NADSYN1: variants seen among roughly 807,000 people sequenced by gnomAD.
The protein encoded by NADSYN1 is NAD synthetase 1.
NADSYN1 carries 80 observed loss-of-function variants against 99.3 expected under a neutral mutation model. That is an observed-to-expected ratio of 0.81 (90% CI 0.67 to 0.97). NADSYN1 has a LOEUF of 0.97. NADSYN1 is among the 50% of genes least tolerant of loss of function. The probability of loss-of-function intolerance (pLI) is 0.00; values close to 1 mark genes in which losing one functional copy is unlikely to be tolerated. For synonymous variants in NADSYN1, 385 were observed against 372.1 expected (o/e 1.03, Z -0.40); for missense variants, 859 against 948.5 (o/e 0.91, Z 1.24).
chr11:71,458,792 G>A (rs1368339187), intron 3 of NADSYN1: 17 of 445,396 alleles, frequency 3.8e-5, no homozygotes, highest in Non-Finnish European at 2.1e-5. Flanking sequence ...GCACACATCA[G>A]CAGACTCTGC....
intron 16 of NADSYN1, among the ~76,000 whole-genome samples, chr11:71,488,294 C>T (rs557617145): frequency 2.6e-5 from 4 of 151,178 alleles, no homozygotes; most frequent in East Asian, 1.9e-4. Context: ...AAACGTCCGC[C>T]GAGAGAGCTC....
chr11:71,484,035 T>G (rs1949726143), intron 14 of NADSYN1, among the ~76,000 whole-genome samples: 1 of 152,112 alleles, frequency 6.6e-6, no homozygotes, highest in South Asian at 2.1e-4. Flanking sequence ...TGTCTGTCAC[T>G]CTCTGCATCT....
intron 16 of NADSYN1, among the ~76,000 whole-genome samples, chr11:71,490,246 CAG>C (rs1181008516): frequency 2.0e-5 from 3 of 152,200 alleles, no homozygotes; most frequent in Non-Finnish European, 4.4e-5. Flanking sequence ...CCCCTGCAGT[CAG>C]GGCTCCCTCA....
chr11:71,496,476 C>G (rs1258087083), intron 18 of NADSYN1: 3 of 152,300 alleles, frequency 2.0e-5, no homozygotes, highest in African/African-American at 7.2e-5. Context: ...ATCTGTGCCA[C>G]CGAGGATCTG....
chr11:71,461,293 T>A (rs1475868117), intron 3 of NADSYN1, among the ~76,000 whole-genome samples: 1 of 152,236 alleles, frequency 6.6e-6, no homozygotes, highest in African/African-American at 2.4e-5. Context: ...CGTATTTTAT[T>A]TAAAACATCT....
At chr11:71,469,333 G>A (rs1466451128) in intron 5 of NADSYN1, among the ~76,000 whole-genome samples, 6 of 152,236 alleles carry the variant, frequency 3.9e-5, no homozygotes, top group South Asian at 2.1e-4. Context: ...TCAGCTGGGC[G>A]TTGTGGTGTG....
chr11:71,477,506 G>T, intron 9 of NADSYN1: 1 of 1,221,454 alleles, frequency 8.2e-7, no homozygotes, highest in Non-Finnish European at 1.1e-6. Flanking sequence ...CCTGTGAACC[G>T]CCGCAGTGGT....
intron 14 of NADSYN1, among the ~76,000 whole-genome samples, 184 bp downstream of exon 14, chr11:71,483,201 T>C (rs970065933): frequency 1.3e-5 from 2 of 152,144 alleles, no homozygotes; most frequent in African/African-American, 4.8e-5. Flanking sequence ...ACTGTACGGA[T>C]AGACCAGTTT....
rs992497671 is a variant in NADSYN1, at chr11:71,463,345, A to G, written c.264-87A>G. On this transcript the variant is annotated intron_variant, in intron 3 of 20. Transcript: ENST00000319023. ...GAAGCTTCGTAGTAAAGTAAAATGC[A>G]TGATTCCAGAGCTGCAGCCGCTGCC... 22 of 1,213,094 alleles carry G rather than the reference A, an allele frequency of 1.8e-5. No individual in the cohort carries two copies. In the African/African-American group the frequency reaches 1.9e-4, roughly 11 times the overall value. The allele number at this position is 1,213,094 out of a possible 1,614,324, so 75.1% of individuals were successfully genotyped here.
rs137910047 is a variant in NADSYN1, at chr11:71,473,640, G to A, written c.620G>A (p.Arg207His). The A allele has an allele frequency of 1.6e-5, 26 of 1,613,104 alleles. No homozygotes were observed. The highest frequency in any genetic ancestry group is 2.1e-5 in the Non-Finnish European group (25 of 1,179,884). ...GCCTCGGGCAGCCACCAAGTGCTGC[G>A]CAAAGCCAACACCAGGGTGGATCTC... ...TNASGSHQVL[R>H]KANTRVDLVT... The change falls in exon 8 of 21, where the codon CGC becomes CAC. Residue 207 changes from arginine to histidine, a missense_variant. Arg to His is a conservative substitution (Grantham distance 29, BLOSUM62 0). Transcript: ENST00000319023.
chr11:71,484,656 C>T (rs1490342237), intron 15 of NADSYN1: 9 of 656,786 alleles, frequency 1.4e-5, no homozygotes, highest in Non-Finnish European at 2.0e-5. Context: ...AGGAGGGGGT[C>T]TGTGTGTGTG....
intron 18 of NADSYN1, 60 bp from the exon 19 acceptor site, chr11:71,497,423 T>G: frequency 6.2e-7 from 1 of 1,609,652 alleles, no homozygotes; most frequent in South Asian, 1.1e-5. Flanking sequence ...AAAAGAAGCT[T>G]TAGGCTCTCC....
chr11:71,482,387 G>A (rs1316063016), intron 13 of NADSYN1, among the ~76,000 whole-genome samples: 1 of 152,212 alleles, frequency 6.6e-6, no homozygotes, highest in Non-Finnish European at 1.5e-5. Context: ...CGGTGATGAT[G>A]CCCGATGGAT....
intron 16 of NADSYN1, among the ~76,000 whole-genome samples, chr11:71,488,999 C>T (rs984036639): frequency 2.6e-5 from 4 of 151,826 alleles, no homozygotes; most frequent in South Asian, 2.1e-4. Flanking sequence ...CTGGCCAGCG[C>T]GCCCACAGCA....
intron 7 of NADSYN1, 101 bp downstream of exon 7, chr11:71,473,467 G>GCCGTGT: frequency 6.5e-7 from 1 of 1,537,202 alleles, no homozygotes; most frequent in Non-Finnish European, 9.0e-7. Flanking sequence ...CGTGGCCGTG[G>GCCGTGT]CCGTGGGCTG....
chr11:71,475,980 C>T (rs951444440), intron 9 of NADSYN1: 8 of 454,868 alleles, frequency 1.8e-5, no homozygotes, highest in Admixed American at 1.6e-4. Context: ...TCCCAAAGTG[C>T]TGGGATTACA....
chr11:71,498,515 G>A lies in NADSYN1; in HGVS notation c.2057G>A (p.Cys686Tyr). The change falls in exon 20 of 21, where the codon TGC becomes TAC. Residue 686 changes from cysteine (C) to tyrosine (Y), a missense_variant. Coordinates refer to ENST00000319023, the MANE Select transcript of NADSYN1 (RefSeq NM_018161.5). The part of the protein sequence containing the change: ...YNTSWPWQFR[C>Y]IENQVLQLER... ...ACAAGCTGGCCTTGGCAGTTTCGGTGCATAGAAAATCAGGTAAATCCAGCA... is the reference window on the plus strand; with the variant it reads ...ACAAGCTGGCCTTGGCAGTTTCGGTACATAGAAAATCAGGTAAATCCAGCA... 3.1e-6 allele frequency: 5 copies of A among 1,613,876 alleles called. No individual in the cohort carries two copies. Among genetic ancestry groups the A allele is most frequent in the Admixed American group, 1.7e-5 (1 of 59,996 alleles).
chr11:71,481,693 G>A (rs1180106632), intron 12 of NADSYN1: 18 of 601,162 alleles, frequency 3.0e-5, no homozygotes, highest in East Asian at 2.8e-4. Context: ...TCTGCAGTTC[G>A]TCGGTGGAGT....
At chr11:71,475,614 G>C (rs1190520867) in intron 9 of NADSYN1, 7 of 189,554 alleles carry the variant, frequency 3.7e-5, no homozygotes, top group Non-Finnish European at 3.3e-5. Flanking sequence ...ACAGGGCAAG[G>C]CTTCCCAGGT....
Sources: gnomAD v4.1 joint callset for allele counts (sites outside exome capture counted in the v4.1 genomes callset) on GRCh38, gnomAD v4.1.1 for gene constraint, MANE v1.5 for transcripts, NCBI Gene and HGNC (gene_info 2026-07-23, HGNC 2026-07-21) for gene names.